KCNT2: variants seen among roughly 807,000 people sequenced by gnomAD.
KCNT2 encodes potassium sodium-activated channel subfamily T member 2, also known as potassium channel subfamily T member 2.
KCNT2 carries 67 observed loss-of-function variants against 153.8 expected under a neutral mutation model. The observed-to-expected ratio is 0.44, with a 90% CI of 0.36 to 0.53. The LOEUF (loss-of-function observed/expected upper bound fraction) is 0.53, where lower values mean the gene tolerates loss of function less well. KCNT2 is among the 20% of genes least tolerant of loss of function. The pLI is 0.00. For missense variants in KCNT2, 975 were observed against 1,354.8 expected, an observed-to-expected ratio of 0.72 and a Z score of 4.40; for synonymous variants, 500 against 458.8, an observed-to-expected ratio of 1.09 and a Z score of -1.15.
In KCNT2 at chr1:196,229,553, C is replaced by G. The variant is rs760697195; in HGVS notation, c.3297-1218G>C. ...TTAAGTGAAAGGAAGAGTATCATGT[C>G]TCTCACTTTAAATCAAAAGCTAGAA... On this transcript the variant is annotated intron_variant, in intron 27 of 27. Coordinates refer to ENST00000294725, the MANE Select transcript of KCNT2 (RefSeq NM_198503.5). Among the ~76,000 whole-genome samples, 117 of 152,058 alleles carry G rather than the reference C, an allele frequency of 7.7e-4. 3 individuals carry two copies. Among genetic ancestry groups the G allele is most frequent in the Non-Finnish European group, 6.3e-4 (43 of 67,976 alleles).
chr1:196,328,545 C>T (rs1240157884), intron 18 of KCNT2, among the ~76,000 whole-genome samples: 4 of 147,688 alleles, frequency 2.7e-5, no homozygotes, highest in Non-Finnish European at 6.0e-5. Context: ...GCCACATCTA[C>T]AAGAAAAAAC....
intron 1 of KCNT2, among the ~76,000 whole-genome samples, chr1:196,526,187 G>A (rs1346953703): frequency 6.6e-6 from 1 of 151,902 alleles, no homozygotes; most frequent in Non-Finnish European, 1.5e-5. Flanking sequence ...TTAAGGCTCA[G>A]TGTGAGTGAA....
chr1:196,439,726 G>T (rs1403648413), intron 8 of KCNT2, among the ~76,000 whole-genome samples: 9 of 151,846 alleles, frequency 5.9e-5, no homozygotes, highest in African/African-American at 2.2e-4. Flanking sequence ...ATATATACCT[G>T]TAGCAAGCCA....
chr1:196,244,971 T>A (rs1355735406), intron 26 of KCNT2, among the ~76,000 whole-genome samples: 1 of 152,102 alleles, frequency 6.6e-6, no homozygotes. Flanking sequence ...GCTTGTGTTA[T>A]CCCTTCCCCA....
intron 20 of KCNT2, chr1:196,317,050 G>A (rs1216547459): frequency 4.7e-6 from 1 of 212,592 alleles, no homozygotes; most frequent in Non-Finnish European, 1.0e-5. Flanking sequence ...TGAAGTCCCT[G>A]AGGATCTTTT....
intron 25 of KCNT2, among the ~76,000 whole-genome samples, chr1:196,279,937 G>A (rs529041865): frequency 6.6e-6 from 1 of 152,056 alleles, no homozygotes; most frequent in East Asian, 1.9e-4. Flanking sequence ...GTGGTTTAAT[G>A]ATCATAGAAA....
intron 14 of KCNT2, among the ~76,000 whole-genome samples, chr1:196,361,532 G>A (rs1331967360): frequency 6.6e-6 from 1 of 152,144 alleles, no homozygotes; most frequent in East Asian, 1.9e-4. Context: ...GCCAGAAGAT[G>A]ACATTAGCTG....
At chr1:196,278,566 C>T (rs777724787) in intron 25 of KCNT2, among the ~76,000 whole-genome samples, 1 of 152,082 alleles carries the variant, frequency 6.6e-6, no homozygotes, top group Non-Finnish European at 1.5e-5. Context: ...GTTAAATACT[C>T]CTTGATGACA....
intron 1 of KCNT2, among the ~76,000 whole-genome samples, chr1:196,566,056 TA>T (rs767903500): frequency 9.9e-5 from 15 of 152,106 alleles, no homozygotes; most frequent in Non-Finnish European, 1.8e-4. Flanking sequence ...ATACATATTG[TA>T]AACGATAAAT....
At chr1:196,263,029 G>T (rs1186643932) in intron 25 of KCNT2, among the ~76,000 whole-genome samples, 1 of 152,070 alleles carries the variant, frequency 6.6e-6, no homozygotes, top group Non-Finnish European at 1.5e-5. Context: ...AGAAATTCAT[G>T]TTCAAATAAT....
At chr1:196,267,775 A>G (rs1211587372) in intron 25 of KCNT2, among the ~76,000 whole-genome samples, 1 of 152,136 alleles carries the variant, frequency 6.6e-6, no homozygotes, top group Non-Finnish European at 1.5e-5. Flanking sequence ...TTGGTTATGA[A>G]AGCATCACCC....
At chr1:196,277,801 T>C (rs1372755199) in intron 25 of KCNT2, among the ~76,000 whole-genome samples, 1 of 152,164 alleles carries the variant, frequency 6.6e-6, no homozygotes, top group African/African-American at 2.4e-5. Context: ...GTCAATTTTA[T>C]TTTGTTAGAT....
intron 12 of KCNT2, among the ~76,000 whole-genome samples, chr1:196,410,428 C>T (rs1036962214): frequency 4.2e-4 from 63 of 150,770 alleles, no homozygotes; most frequent in African/African-American, 1.4e-3. Flanking sequence ...GGGGTGAGGG[C>T]AGGTGGGAGG....
chr1:196,276,934 G>T (rs978993799), intron 25 of KCNT2, among the ~76,000 whole-genome samples: 1 of 151,926 alleles, frequency 6.6e-6, no homozygotes, highest in African/African-American at 2.4e-5. Flanking sequence ...TTTGAAAATT[G>T]GTGATGTGAT....
At chr1:196,257,415 T>G (rs907969404) in intron 26 of KCNT2, 3 of 970,896 alleles carry the variant, frequency 3.1e-6, no homozygotes, top group Non-Finnish European at 1.2e-6. Context: ...ATTTGATTCT[T>G]AACTTGCATG....
At chr1:196,385,928 T>C (rs1225771982) in intron 13 of KCNT2, among the ~76,000 whole-genome samples, 2 of 152,066 alleles carry the variant, frequency 1.3e-5, no homozygotes, top group African/African-American at 4.8e-5. Context: ...CATAGCAGAA[T>C]GGGGATGAAC....
At chr1:196,232,937 CA>C (rs1408327375) in intron 27 of KCNT2, among the ~76,000 whole-genome samples, 4 of 150,424 alleles carry the variant, frequency 2.7e-5, no homozygotes, top group African/African-American at 9.7e-5. Flanking sequence ...ATAATTAACA[CA>C]ATTATATTTA....
At chr1:196,571,619 A>T (rs983056121) in intron 1 of KCNT2, among the ~76,000 whole-genome samples, 1 of 152,144 alleles carries the variant, frequency 6.6e-6, no homozygotes, top group African/African-American at 2.4e-5. Context: ...TAAACAAGGT[A>T]ATTGTGATCA....
chr1:196,607,080 C>T (rs1316342184), intron 1 of KCNT2, among the ~76,000 whole-genome samples: 1 of 152,056 alleles, frequency 6.6e-6, no homozygotes, highest in Non-Finnish European at 1.5e-5. Flanking sequence ...ATAATTGATG[C>T]TCAAGATAAA....
Sources: gnomAD v4.1 joint callset for allele counts (sites outside exome capture counted in the v4.1 genomes callset) on GRCh38, gnomAD v4.1.1 for gene constraint, MANE v1.5 for transcripts, NCBI Gene and HGNC (gene_info 2026-07-23, HGNC 2026-07-21) for gene names.